BLTP1: variants seen among roughly 807,000 people sequenced by gnomAD.
The protein encoded by BLTP1 is fragile site-associated protein.
chr4:122,161,643 G>A, the BLTP1 span, among the ~76,000 whole-genome samples: 1 of 151,768 alleles, frequency 6.6e-6, no homozygotes, highest in East Asian at 1.9e-4. Context: ...TGTTACCCAG[G>A]CTGGTCTCCT....
chr4:122,324,388 T>G, the BLTP1 span: 2 of 1,573,432 alleles, frequency 1.3e-6, no homozygotes, highest in Non-Finnish European at 1.7e-6. Flanking sequence ...CAGTAAATAA[T>G]CACCTATAGT....
chr4:122,162,762 G>T, the BLTP1 span: 1 of 547,038 alleles, frequency 1.8e-6, no homozygotes, highest in African/African-American at 2.1e-5. Flanking sequence ...GTAATAAGAA[G>T]AAAAAGGATG....
the BLTP1 span, chr4:122,212,052 A>G: frequency 1.1e-5 from 11 of 984,432 alleles, no homozygotes; most frequent in African/African-American, 1.9e-4. Context: ...GAATCCTGTA[A>G]TGTACAGTAA....
chr4:122,175,408 C>G, the BLTP1 span: 1 of 350,020 alleles, frequency 2.9e-6, no homozygotes, highest in Non-Finnish European at 4.0e-6. Context: ...CTTTTGTGTG[C>G]TAACATCCCT....
chr4:122,187,878 TA>T, the BLTP1 span: 8 of 1,560,274 alleles, frequency 5.1e-6, no homozygotes, highest in Middle Eastern at 1.7e-4. Flanking sequence ...CTTATCTGTT[TA>T]TTTTTTTTTT....
the BLTP1 span, chr4:122,197,160 A>C: frequency 1.1e-6 from 1 of 874,828 alleles, no homozygotes; most frequent in East Asian, 2.8e-5. Context: ...AATTATAATT[A>C]ATGTTTTATA....
chr4:122,188,930 A>G, the BLTP1 span: 2 of 985,082 alleles, frequency 2.0e-6, no homozygotes, highest in Non-Finnish European at 2.4e-6. Flanking sequence ...GGCTAGAATG[A>G]TAGAAAGAGG....
At chr4:122,198,365 A>G in the BLTP1 span, 1 of 985,386 alleles carries the variant, frequency 1.0e-6, no homozygotes, top group Non-Finnish European at 1.2e-6. Context: ...AAAAGCCAAA[A>G]GCATCTTTTA....
chr4:122,239,997 G>A, the BLTP1 span: 1 of 1,614,148 alleles, frequency 6.2e-7, no homozygotes, highest in Non-Finnish European at 8.5e-7. Flanking sequence ...CAGTGTAGAA[G>A]GGCCACTTAC....
the BLTP1 span, chr4:122,258,592 C>G: frequency 2.2e-6 from 3 of 1,351,296 alleles, no homozygotes; most frequent in South Asian, 1.7e-5. Context: ...AAATATTTGT[C>G]AAGGAATATG....
chr4:122,296,926 G>A, the BLTP1 span, among the ~76,000 whole-genome samples: 38,106 of 151,984 alleles, frequency 0.25, 5,672 homozygotes, highest in Middle Eastern at 0.48. Context: ...AACTCAAGAT[G>A]GATTAAAGAC....
chr4:122,209,780 A>G, the BLTP1 span: 1 of 1,602,112 alleles, frequency 6.2e-7, no homozygotes, highest in Non-Finnish European at 8.5e-7. Flanking sequence ...TAAAGGAATG[A>G]GTATCTGACT....
At chr4:122,321,483 TTATA>T in the BLTP1 span, among the ~76,000 whole-genome samples, 3 of 122,258 alleles carry the variant, frequency 2.5e-5, no homozygotes, top group Non-Finnish European at 3.4e-5. Context: ...TACATGCGAT[TTATA>T]TATAGTCATA....
At chr4:122,262,700 G>A in the BLTP1 span, 1 of 1,507,888 alleles carries the variant, frequency 6.6e-7, no homozygotes, top group Non-Finnish European at 8.9e-7. Flanking sequence ...AGTAATAGTG[G>A]TTGTAGTTAT....
the BLTP1 span, chr4:122,343,334 T>G: frequency 6.4e-7 from 1 of 1,570,850 alleles, no homozygotes; most frequent in Non-Finnish European, 8.7e-7. Flanking sequence ...AAGTCATGTC[T>G]GGTTCTTAAG....
At chr4:122,349,416 T>C in the BLTP1 span, 3 of 1,564,544 alleles carry the variant, frequency 1.9e-6, no homozygotes, top group Non-Finnish European at 2.6e-6. The surrounding 1 kb of genome is among the most constrained non-coding windows in gnomAD (Gnocchi z 4.5). Flanking sequence ...CCCATGGACA[T>C]GTCTGTCAAA....
At chr4:122,207,336 T>C in the BLTP1 span, 31 of 1,434,376 alleles carry the variant, frequency 2.2e-5, no homozygotes, top group Non-Finnish European at 2.8e-5. Context: ...AAAATTAGTA[T>C]TGATTTGATA....
the BLTP1 span, among the ~76,000 whole-genome samples, chr4:122,175,502 A>T: frequency 6.6e-6 from 1 of 152,178 alleles, no homozygotes; most frequent in Non-Finnish European, 1.5e-5. Context: ...ATTTTAAAAA[A>T]TATCATTTAA....
At chr4:122,183,343 A>T in the BLTP1 span, 2 of 956,016 alleles carry the variant, frequency 2.1e-6, no homozygotes, top group Non-Finnish European at 2.5e-6. Context: ...CTCAAAAAAA[A>T]AAAAAAAAGC....
Sources: allele counts gnomAD v4.1 joint callset (sites outside exome capture counted in the v4.1 genomes callset), GRCh38; gene constraint gnomAD v4.1.1; non-coding constraint Gnocchi (gnomAD v3.1); transcripts MANE v1.5; gene names NCBI Gene and HGNC (gene_info 2026-07-23, HGNC 2026-07-21).